The following FSTL4 variants were observed in gnomAD, a reference collection of about 807,000 sequenced individuals.
FSTL4 encodes follistatin like 4.
In FSTL4, 28 loss-of-function variants were observed where a neutral mutation model predicts 78.2. That is an observed-to-expected ratio of 0.36 (90% CI 0.27 to 0.49). FSTL4 has a LOEUF of 0.49. FSTL4 is among the 20% of genes least tolerant of loss of function. FSTL4 has a pLI of 0.98. For synonymous variants in FSTL4, 422 were observed against 440.5 expected (o/e 0.96, Z 0.53); for missense variants, 922 against 1,084.9 (o/e 0.85, Z 2.11).
intron 3 of FSTL4, among the ~76,000 whole-genome samples, chr5:133,549,793 C>T (rs977971649): frequency 2.0e-5 from 3 of 152,186 alleles, no homozygotes; most frequent in African/African-American, 4.8e-5. Flanking sequence ...CTACTGAAAG[C>T]TTAGCTTGTG....
At chr5:133,554,036 A>T (rs936075772) in intron 3 of FSTL4, among the ~76,000 whole-genome samples, 1 of 152,170 alleles carries the variant, frequency 6.6e-6, no homozygotes, top group Non-Finnish European at 1.5e-5. Flanking sequence ...GTTCAAGCCT[A>T]CCTCATCTAT....
chr5:133,484,841 T>C (rs903627152), intron 3 of FSTL4, among the ~76,000 whole-genome samples: 1 of 152,236 alleles, frequency 6.6e-6, no homozygotes, highest in Non-Finnish European at 1.5e-5. Flanking sequence ...TTACTTTGCA[T>C]AGGTGTCATA....
chr5:133,306,395 T>C (rs1172029458), intron 6 of FSTL4, among the ~76,000 whole-genome samples: 1 of 152,192 alleles, frequency 6.6e-6, no homozygotes, highest in Non-Finnish European at 1.5e-5. Context: ...CTGAGGAGGG[T>C]TGAATGGCCA....
At chr5:133,249,633 A>C in intron 6 of FSTL4, 57 bp from the exon 7 acceptor site, 6 of 1,400,314 alleles carry the variant, frequency 4.3e-6, no homozygotes, top group Non-Finnish European at 6.0e-6. Flanking sequence ...TGGAGTCTCA[A>C]CTCAAGGTGA....
At chr5:133,434,892 G>T (rs528461939) in intron 3 of FSTL4, among the ~76,000 whole-genome samples, 68 of 152,232 alleles carry the variant, frequency 4.5e-4, no homozygotes, top group African/African-American at 1.6e-3. Flanking sequence ...ATAATGATGT[G>T]TATTTGGTGG....
At chr5:133,408,210 G>C (rs2126977485) in intron 3 of FSTL4, among the ~76,000 whole-genome samples, 1 of 152,220 alleles carries the variant, frequency 6.6e-6, no homozygotes, top group African/African-American at 2.4e-5. Context: ...TAGTAAACAA[G>C]GTCCCAGAGG....
At chr5:133,633,517 G>T in the FSTL4 span, among the ~76,000 whole-genome samples, 89 of 150,654 alleles carry the variant, frequency 5.9e-4, 1 homozygote, top group Non-Finnish European at 5.6e-4. Flanking sequence ...TTTTTTCATT[G>T]ATTTCAAGTG....
At chr5:133,616,897 A>G (rs972298693), upstream of FSTL4, among the ~76,000 whole-genome samples, 5 of 152,024 alleles carry the variant, frequency 3.3e-5, no homozygotes, top group Admixed American at 6.5e-5. Context: ...GGCTTTGGAC[A>G]CTTACTTGTC....
At chr5:133,509,718 TTTCA>T in intron 3 of FSTL4, among the ~76,000 whole-genome samples, 1 of 152,244 alleles carries the variant, frequency 6.6e-6, no homozygotes, top group African/African-American at 2.4e-5. Flanking sequence ...ACTCTGAATG[TTTCA>T]TTATGGATAA....
chr5:133,476,844 T>C (rs1309408190), intron 3 of FSTL4, among the ~76,000 whole-genome samples: 1 of 152,182 alleles, frequency 6.6e-6, no homozygotes, highest in Admixed American at 6.5e-5. Flanking sequence ...TCTTTATATA[T>C]ACATATATGG....
intron 4 of FSTL4, among the ~76,000 whole-genome samples, chr5:133,362,274 A>G (rs150959850): frequency 6.6e-5 from 10 of 152,308 alleles, no homozygotes; most frequent in African/African-American, 2.2e-4. Context: ...CTTCCTTTGT[A>G]TTTCTCATTT....
At chr5:133,439,441 A>G (rs1757104572) in intron 3 of FSTL4, among the ~76,000 whole-genome samples, 6 of 152,204 alleles carry the variant, frequency 3.9e-5, no homozygotes, top group Admixed American at 3.3e-4. Flanking sequence ...GATACCACAC[A>G]TTAAATTTTT....
At chr5:133,430,546 G>A (rs1276076559) in intron 3 of FSTL4, among the ~76,000 whole-genome samples, 3 of 152,198 alleles carry the variant, frequency 2.0e-5, no homozygotes, top group Non-Finnish European at 4.4e-5. Flanking sequence ...GAACTAGCAA[G>A]AGAAGTGGAG....
At chr5:133,706,029 T>G in the FSTL4 span, among the ~76,000 whole-genome samples, 1 of 152,208 alleles carries the variant, frequency 6.6e-6, no homozygotes, top group Non-Finnish European at 1.5e-5. Context: ...AGTGCATCCC[T>G]GCAAATGCTC....
At chr5:133,747,855 C>T in the FSTL4 span, among the ~76,000 whole-genome samples, 4 of 151,974 alleles carry the variant, frequency 2.6e-5, no homozygotes, top group Non-Finnish European at 4.4e-5. Context: ...GACAGTGATC[C>T]GGTGGGTGAT....
chr5:133,513,831 A>G (rs1758790971), intron 3 of FSTL4, among the ~76,000 whole-genome samples: 1 of 152,182 alleles, frequency 6.6e-6, no homozygotes. Flanking sequence ...AGAATGATCT[A>G]CTTTAGAATT....
intron 3 of FSTL4, among the ~76,000 whole-genome samples, chr5:133,483,911 G>T (rs1758079104): frequency 6.6e-6 from 1 of 152,132 alleles, no homozygotes; most frequent in Non-Finnish European, 1.5e-5. Context: ...CCTGTCTGTG[G>T]CTCCTCCCTG....
intron 6 of FSTL4, among the ~76,000 whole-genome samples, chr5:133,303,529 G>A (rs552953184): frequency 2.0e-5 from 3 of 152,338 alleles, no homozygotes; most frequent in Admixed American, 2.0e-4. Flanking sequence ...CCCTGGCCCT[G>A]AGTGTGGCCC....
chr5:133,570,773 T>G (rs570106742), intron 2 of FSTL4, among the ~76,000 whole-genome samples: 2 of 152,262 alleles, frequency 1.3e-5, no homozygotes, highest in South Asian at 4.2e-4. Context: ...CAGCCAGAAT[T>G]TAAAGGAAAG....
Sources: gnomAD v4.1 joint callset for allele counts (sites outside exome capture counted in the v4.1 genomes callset) on GRCh38, gnomAD v4.1.1 for gene constraint, MANE v1.5 for transcripts, NCBI Gene and HGNC (gene_info 2026-07-23, HGNC 2026-07-21) for gene names.